The following PVT1 variants were observed in gnomAD, a reference collection of about 807,000 sequenced individuals.
PVT1 encodes Pvt1 oncogene, also known as CXCR4/PVT1 fusion.
rs866310503 is a variant in PVT1 at position 127,962,661 on chromosome 8, A to G, written n.783-26501A>G. ...GACGAGGCTGGAGTGCGGGGGTGCT[A>G]TCTCGGCTCACTGCAGCCTCTGCCT... On this transcript the variant is annotated intron_variant and non_coding_transcript_variant, in intron 3 of 10. Coordinates refer to ENST00000651587, the Ensembl canonical transcript of PVT1. Among the ~76,000 whole-genome samples, 7 of 152,010 alleles carry G rather than the reference A, an allele frequency of 4.6e-5. No individual in the cohort carries two copies. The East Asian group carries it at 5.8e-4, about 13-fold the overall frequency.
intron 4 of PVT1, among the ~76,000 whole-genome samples, chr8:128,044,916 A>G (rs560693707): frequency 6.6e-6 from 1 of 152,302 alleles, no homozygotes; most frequent in South Asian, 2.1e-4. Context: ...GTACATCCAT[A>G]CAATTCTTGA....
chr8:128,010,085 A>G (rs1563664888), intron 4 of PVT1: 1 of 152,172 alleles, frequency 6.6e-6, no homozygotes, highest in African/African-American at 2.4e-5. Context: ...TGGAAGCTTC[A>G]TTGGACATAT....
intron 2 of PVT1, among the ~76,000 whole-genome samples, chr8:127,847,863 G>A (rs572521157): frequency 3.9e-5 from 6 of 152,284 alleles, no homozygotes; most frequent in East Asian, 3.9e-4. Flanking sequence ...GGGAGATGCA[G>A]GGAGGGGAGA....
intron 5 of PVT1, among the ~76,000 whole-genome samples, chr8:128,071,021 T>A (rs1424842252): frequency 6.6e-6 from 1 of 152,192 alleles, no homozygotes; most frequent in Non-Finnish European, 1.5e-5. Flanking sequence ...CCACATCTGT[T>A]TGATTTGCAG....
At chr8:127,795,967 G>T (rs1052068054) in exon 2 of PVT1, 1 of 170,414 alleles carries the variant, frequency 5.9e-6, no homozygotes, top group African/African-American at 2.4e-5. Flanking sequence ...GAGAAACCTC[G>T]TGGCCTGGTC....
At chr8:127,971,569 G>C (rs545822103) in intron 3 of PVT1, among the ~76,000 whole-genome samples, 25 of 152,350 alleles carry the variant, frequency 1.6e-4, no homozygotes, top group African/African-American at 5.8e-4. Context: ...TCAATGAAGA[G>C]GGCAGCCCTC....
chr8:127,885,964 G>A (rs374143575), intron 2 of PVT1, among the ~76,000 whole-genome samples: 4 of 152,204 alleles, frequency 2.6e-5, no homozygotes, highest in East Asian at 1.9e-4. Context: ...AGATGCAGTG[G>A]CTAACACCTC....
intron 2 of PVT1, among the ~76,000 whole-genome samples, chr8:127,847,094 C>T (rs1269787645): frequency 6.7e-6 from 1 of 150,086 alleles, no homozygotes; most frequent in East Asian, 2.0e-4. Flanking sequence ...CCTCCGCTTC[C>T]CAGGTTCAAG....
At chr8:128,036,120 G>A (rs751863652) in intron 4 of PVT1, among the ~76,000 whole-genome samples, 12 of 152,336 alleles carry the variant, frequency 7.9e-5, no homozygotes, top group Non-Finnish European at 1.6e-4. Flanking sequence ...CAGTGGTTCC[G>A]AGGTAGATCC....
intron 3 of PVT1, chr8:127,940,476 C>T (rs375623919): frequency 5.9e-5 from 9 of 152,216 alleles, no homozygotes; most frequent in African/African-American, 2.2e-4. Flanking sequence ...TCTCATCTGC[C>T]TTCAAGTGTG....
At chr8:127,947,773 C>A in intron 3 of PVT1, 1 of 456,530 alleles carries the variant, frequency 2.2e-6, no homozygotes, top group Non-Finnish European at 4.4e-6. Flanking sequence ...GACAAGGTTT[C>A]TGAATCTTGT....
chr8:127,902,657 G>C (rs1369025122), intron 3 of PVT1, among the ~76,000 whole-genome samples: 1 of 151,878 alleles, frequency 6.6e-6, no homozygotes. Flanking sequence ...CCAATGTTTA[G>C]TTCCCACTTA....
intron 3 of PVT1, among the ~76,000 whole-genome samples, chr8:127,913,163 C>T (rs1815932122): frequency 6.6e-6 from 1 of 152,212 alleles, no homozygotes; most frequent in South Asian, 2.1e-4. Flanking sequence ...TCCCTCCCTT[C>T]TTGCTAACTT....
At chr8:127,944,554 A>AT (rs11403538) in intron 3 of PVT1, among the ~76,000 whole-genome samples, 81,207 of 145,438 alleles carry the variant, frequency 0.56, 23,894 homozygotes, top group Middle Eastern at 0.7. Flanking sequence ...CAGTTGTCCC[A>AT]TTTTTTTTTT....
chr8:128,024,198 T>C (rs895729377), intron 4 of PVT1, among the ~76,000 whole-genome samples: 2 of 152,220 alleles, frequency 1.3e-5, no homozygotes, highest in African/African-American at 4.8e-5. Flanking sequence ...GGAAGTGGCC[T>C]GCCGAAGGCT....
At chr8:127,831,449 C>T (rs1218375644) in intron 2 of PVT1, among the ~76,000 whole-genome samples, 2 of 152,054 alleles carry the variant, frequency 1.3e-5, no homozygotes, top group Non-Finnish European at 2.9e-5. Flanking sequence ...TTAATGGCCA[C>T]AGGAGATGCC....
intron 4 of PVT1, among the ~76,000 whole-genome samples, chr8:128,057,161 T>C (rs949616594): frequency 1.3e-5 from 2 of 152,176 alleles, no homozygotes; most frequent in Non-Finnish European, 2.9e-5. Flanking sequence ...CTGGGTGATA[T>C]GACCTCATTG....
chr8:127,975,610 G>A (rs1301577337), intron 3 of PVT1, among the ~76,000 whole-genome samples: 1 of 152,178 alleles, frequency 6.6e-6, no homozygotes, highest in East Asian at 1.9e-4. Context: ...TTTGAAGGCT[G>A]AGATTGCAAC....
At chr8:127,932,674 TAATAAAA>T (rs892845696) in intron 3 of PVT1, 30 of 395,382 alleles carry the variant, frequency 7.6e-5, no homozygotes, top group African/African-American at 1.4e-4. Flanking sequence ...CTTTCTTTGC[TAATAAAA>T]AATAAAAAAT....
Sources: allele counts gnomAD v4.1 joint callset (sites outside exome capture counted in the v4.1 genomes callset), GRCh38; gene constraint gnomAD v4.1.1; transcripts MANE v1.5; gene names NCBI Gene and HGNC (gene_info 2026-07-23, HGNC 2026-07-21).